The following CNGA3 variants were observed in gnomAD, a reference collection of about 807,000 sequenced individuals.
CNGA3 encodes the protein cyclic nucleotide gated channel subunit alpha 3.
A neutral mutation model predicts 46.6 loss-of-function variants in CNGA3; 42 were observed. The ratio of observed to expected loss-of-function variants is 0.90; its 90% CI spans 0.70 to 1.17. The LOEUF (loss-of-function observed/expected upper bound fraction) is 1.17, where lower values mean the gene tolerates loss of function less well. Ranked by LOEUF, CNGA3 falls within the 50% of genes most tolerant of loss-of-function variation. The pLI, the probability that CNGA3 is intolerant of heterozygous loss-of-function variation, is 0.00. For missense variants in CNGA3, 893 were observed against 890.7 expected (o/e 1.00, Z -0.03); for synonymous variants, 394 against 369.4 (o/e 1.07, Z -0.76).
Position 98,370,083 on chromosome 2 carries a change from T to C in CNGA3, c.101+7T>C. On this transcript the variant is annotated splice_region_variant and intron_variant, in intron 2 of 7. Coordinates refer to ENST00000272602, the MANE Select transcript of CNGA3 (RefSeq NM_001298.3). ...CTGAAAATGGCCTCAGCAGGTAAGA[T>C]GGGCTAAGATGGGCTTTTCATTTTA... is the stretch of plus-strand genomic sequence containing the variant. 1 of 1,584,336 alleles carries C rather than the reference T, an allele frequency of 6.3e-7. No individual in the cohort carries two copies. The highest frequency in any genetic ancestry group is 8.7e-7 in the Non-Finnish European group (1 of 1,153,920).
chr2:98,396,153 T>C lies in CNGA3; in HGVS notation c.983T>C (p.Ile328Thr), dbSNP rs752170364. ...ATCTACTTTGCCATTTCCAAGTTCA[T>C]TGGTTTTGGGACAGACTCCTGGGTC... is the stretch of plus-strand genomic sequence containing the variant. ...ACIYFAISKFIGFGTDSWVYP... is the reference protein window; with the variant it reads ...ACIYFAISKFTGFGTDSWVYP... The change falls in exon 8 of 8, where the codon ATT becomes ACT. Residue 328 changes from isoleucine (I) to threonine (T), a missense_variant. This residue lies in a region of CNGA3 where 548 missense variants were observed against 570.8 expected (regional missense o/e 0.96). Coordinates refer to ENST00000272602, the MANE Select transcript of CNGA3 (RefSeq NM_001298.3). The C allele has an allele frequency of 5.0e-6, 8 of 1,614,106 alleles. No individual in the cohort carries two copies. The highest frequency in any genetic ancestry group is 1.3e-5 in the African/African-American group (1 of 74,938).
In CNGA3 at chr2:98,396,582, A is replaced by G. The variant is rs373954146; in HGVS notation, c.1412A>G (p.Asn471Ser). The G allele has an allele frequency of 3.1e-5, 50 of 1,613,972 alleles. No homozygotes were observed. Among genetic ancestry groups the G allele is most frequent in the South Asian group, 8.8e-5 (8 of 91,066 alleles). Residue 471 changes from asparagine (N) to serine (S), a missense_variant, in exon 8 of 8, where the codon AAC (asparagine) becomes AGC (serine). Around this residue, in one of 3 missense-constraint regions of CNGA3, gnomAD observed 548 missense variants for 570.8 expected, o/e 0.96. Transcript: ENST00000272602. Reference protein sequence around the residue: ...PDKLKAEIAINVHLDTLKKVR... With the variant: ...PDKLKAEIAISVHLDTLKKVR... ...AAGCTGAAGGCTGAGATCGCCATCA[A>G]CGTGCACCTGGACACGCTGAAGAAG... is the stretch of plus-strand genomic sequence containing the variant.
chr2:98,389,731 A>G lies in CNGA3; in HGVS notation c.523A>G (p.Ile175Val), dbSNP rs1182609021. The stretch of plus-strand genomic sequence containing the variant: ...CCTGTACTACCGCTGGCTGACCGCC[A>G]TCGCCCTGCCTGTCTTCTATAACTG... ...SNLYYRWLTA[I>V]ALPVFYNWYL... Residue 175 changes from isoleucine (I) to valine (V), a missense_variant, in exon 6 of 8, where the codon ATC (isoleucine) becomes GTC (valine). Ile to Val is a conservative substitution (Grantham distance 29). Around this residue, in one of 3 missense-constraint regions of CNGA3, gnomAD observed 333 missense variants for 290.8 expected, o/e 1.15. Coordinates refer to ENST00000272602, the MANE Select transcript of CNGA3 (RefSeq NM_001298.3). 1.9e-6 allele frequency: 3 copies of G among 1,613,624 alleles called. No individual in the cohort carries two copies. In the East Asian group the frequency reaches 6.7e-5, roughly 36 times the overall value.
chr2:98,368,696 C>T (rs1388914388), intron 1 of CNGA3, among the ~76,000 whole-genome samples: 1 of 152,172 alleles, frequency 6.6e-6, no homozygotes, highest in African/African-American at 2.4e-5. Context: ...TGCAGGAGAC[C>T]AGAGTTTTAT....
intron 7 of CNGA3, among the ~76,000 whole-genome samples, chr2:98,394,069 C>T (rs950793655): frequency 6.6e-6 from 1 of 151,772 alleles, no homozygotes; most frequent in Admixed American, 6.6e-5. Flanking sequence ...AGACTTGCCC[C>T]CAACTTCCGG....
In CNGA3 at chr2:98,377,030, G is replaced by A. The variant is rs186107260; in HGVS notation, c.102-657G>A. 2.2e-4 allele frequency among the ~76,000 whole-genome samples: 34 copies of A among 152,340 alleles called. No individual in the cohort carries two copies. The South Asian group carries it at 5.0e-3, about 22-fold the overall frequency. ...CACCTTACCTCTGCCTTGCAGGAGA[G>A]AGAGCCTAGAGTTTGGCAAAAGGGA... On this transcript the variant is annotated intron_variant, in intron 2 of 7. Coordinates refer to ENST00000272602, the MANE Select transcript of CNGA3 (RefSeq NM_001298.3).
intron 2 of CNGA3, among the ~76,000 whole-genome samples, chr2:98,373,307 C>G (rs1692329703): frequency 6.6e-6 from 1 of 152,242 alleles, no homozygotes; most frequent in African/African-American, 2.4e-5. Flanking sequence ...AGTGTTTGGA[C>G]AAGTCACACC....
At chr2:98,362,173 CTTTTTT>C (rs1231791527) in intron 1 of CNGA3, among the ~76,000 whole-genome samples, 1 of 89,826 alleles carries the variant, frequency 1.1e-5, no homozygotes, top group Non-Finnish European at 2.3e-5. Flanking sequence ...CCTTTGCCCA[CTTTTTT>C]TTTTTTTTTT....
chr2:98,386,969 G>T (rs1409010694), intron 5 of CNGA3, among the ~76,000 whole-genome samples: 1 of 152,202 alleles, frequency 6.6e-6, no homozygotes, highest in African/African-American at 2.4e-5. Context: ...TTAGTCTGGT[G>T]AGATCCACAG....
intron 3 of CNGA3, among the ~76,000 whole-genome samples, chr2:98,379,534 T>C (rs1692490897): frequency 6.6e-6 from 1 of 152,044 alleles, no homozygotes; most frequent in Non-Finnish European, 1.5e-5. Context: ...GTGTTGGAGC[T>C]CACGGCAAGC....
intron 1 of CNGA3, among the ~76,000 whole-genome samples, chr2:98,352,221 C>T (rs943473039): frequency 6.6e-6 from 1 of 152,100 alleles, no homozygotes; most frequent in African/African-American, 2.4e-5. Flanking sequence ...AAATAAGATT[C>T]CATCTGAATA....
chr2:98,381,122 C>CAG (rs1383085549), intron 4 of CNGA3, among the ~76,000 whole-genome samples: 2 of 152,138 alleles, frequency 1.3e-5, no homozygotes, highest in African/African-American at 4.8e-5. Context: ...AGGTGGTCTG[C>CAG]AGAGAGACCC....
chr2:98,370,167 G>A lies in CNGA3; in HGVS notation c.101+91G>A, dbSNP rs145540675. On this transcript the variant is annotated intron_variant, in intron 2 of 7. Transcript: ENST00000272602. Reference sequence around the variant, plus strand: ...GACTGTGGGGGAAGAATGCCTTCACGTTGGCCAGCCACAGGTCAGAGGGCA... The same window carrying A: ...GACTGTGGGGGAAGAATGCCTTCACATTGGCCAGCCACAGGTCAGAGGGCA... 61 of 1,075,040 alleles carry A rather than the reference G, an allele frequency of 5.7e-5. 1 individual carries two copies. In the African/African-American group the frequency reaches 6.1e-4, roughly 11 times the overall value. The allele number at this position is 1,075,040 out of a possible 1,614,324, so 66.6% of individuals were successfully genotyped here.
chr2:98,391,764 A>G (rs1692792952), intron 6 of CNGA3, 100 bp from the exon 7 acceptor site: 3 of 1,102,604 alleles, frequency 2.7e-6, no homozygotes, highest in Non-Finnish European at 2.8e-6. Context: ...CCCATATTAC[A>G]TGATCCAGCG....
chr2:98,388,814 G>C (rs921582304), intron 5 of CNGA3, among the ~76,000 whole-genome samples: 11 of 152,170 alleles, frequency 7.2e-5, no homozygotes, highest in Admixed American at 5.2e-4. Flanking sequence ...CCCAAAGCCC[G>C]GTCAGTGAGT....
chr2:98,353,409 G>A (rs1691811285), intron 1 of CNGA3, among the ~76,000 whole-genome samples: 1 of 152,146 alleles, frequency 6.6e-6, no homozygotes, highest in South Asian at 2.1e-4. Flanking sequence ...GGACACTCAA[G>A]TATAATATTT....
At chr2:98,370,377 C>T (rs1361096159) in intron 2 of CNGA3, among the ~76,000 whole-genome samples, 1 of 152,150 alleles carries the variant, frequency 6.6e-6, no homozygotes, top group Non-Finnish European at 1.5e-5. Flanking sequence ...GTAAGAACTT[C>T]CTCAAACTGA....
chr2:98,348,679 G>A (rs1220707460), intron 1 of CNGA3, among the ~76,000 whole-genome samples: 1 of 152,168 alleles, frequency 6.6e-6, no homozygotes, highest in Non-Finnish European at 1.5e-5. Context: ...TGAGGCTGGG[G>A]GTAAACAGTT....
rs763335863 is a variant in CNGA3 at position 98,377,740 on chromosome 2, T to C, written c.155T>C (p.Met52Thr). ...TSSVLQPGIA[M>T]ETRGLADSGQ... Reference sequence around the variant, plus strand: ...TCAGTGCTGCAGCCGGGGATCGCCATGGAGACCAGAGGACTGGCTGACTCC... The same window carrying C: ...TCAGTGCTGCAGCCGGGGATCGCCACGGAGACCAGAGGACTGGCTGACTCC... The change falls in exon 3 of 8, where the codon ATG (methionine) becomes ACG (threonine). Residue 52 changes from methionine (M) to threonine (T), a missense_variant. Transcript: ENST00000272602. 25 of 1,613,386 alleles carry C rather than the reference T, an allele frequency of 1.5e-5. No homozygotes were observed. In the Middle Eastern group the frequency reaches 5.4e-4, roughly 35 times the overall value.
Sources: gnomAD v4.1 joint callset for allele counts (sites outside exome capture counted in the v4.1 genomes callset) on GRCh38, gnomAD v4.1.1 for gene constraint, gnomAD v4.1.1 regional missense constraint, MANE v1.5 for transcripts, NCBI Gene and HGNC (gene_info 2026-07-23, HGNC 2026-07-21) for gene names.